The following RAPGEF4 variants were observed in gnomAD, a reference collection of about 807,000 sequenced individuals.
RAPGEF4 encodes RAP guanine-nucleotide-exchange factor (GEF) 4.
In RAPGEF4, 66 loss-of-function variants were observed where a neutral mutation model predicts 147.9. That is an observed-to-expected ratio of 0.45 (90% CI 0.37 to 0.55). The LOEUF is 0.55. Ranked by LOEUF, RAPGEF4 falls within the 20% of genes least tolerant of loss-of-function variation. RAPGEF4 has a pLI of 0.00. For missense variants in RAPGEF4, 1,071 were observed against 1,257.3 expected (o/e 0.85, Z 2.24); for synonymous variants, 419 against 442.7 (o/e 0.95, Z 0.67).
intron 4 of RAPGEF4, among the ~76,000 whole-genome samples, chr2:172,909,013 C>T (rs1373934537): frequency 6.6e-6 from 1 of 152,162 alleles, no homozygotes; most frequent in East Asian, 1.9e-4. Flanking sequence ...AGGGTTTGGA[C>T]AGGGAGTGTG....
chr2:172,937,613 A>G (rs1686726917), intron 6 of RAPGEF4, among the ~76,000 whole-genome samples: 1 of 152,136 alleles, frequency 6.6e-6, no homozygotes, highest in Admixed American at 6.5e-5. Flanking sequence ...CTGTAAAGTC[A>G]GTCTCCCACA....
At chr2:172,935,415 C>T (rs1686455927) in intron 6 of RAPGEF4, among the ~76,000 whole-genome samples, 1 of 152,150 alleles carries the variant, frequency 6.6e-6, no homozygotes, top group South Asian at 2.1e-4. Flanking sequence ...GTGGGATACA[C>T]AGCTCTGTTG....
chr2:173,002,006 A>AAAAAAAAAAAAAAAAAAAAAAAAAAAC (rs1363321480), intron 17 of RAPGEF4, among the ~76,000 whole-genome samples: 1 of 150,602 alleles, frequency 6.6e-6, no homozygotes, highest in African/African-American at 2.4e-5. Flanking sequence ...AAAAAAAAAA[A>AAAAAAAAAAAAAAAAAAAAAAAAAAAC]AAAAAAAAAT....
chr2:172,820,469 A>G (rs1688957271), intron 4 of RAPGEF4, among the ~76,000 whole-genome samples: 1 of 152,246 alleles, frequency 6.6e-6, no homozygotes, highest in South Asian at 2.1e-4. Flanking sequence ...TGTCACTATA[A>G]AAGTGGTTTC....
intron 4 of RAPGEF4, among the ~76,000 whole-genome samples, chr2:172,895,683 A>G (rs1166529974): frequency 1.3e-5 from 2 of 152,190 alleles, no homozygotes; most frequent in Non-Finnish European, 2.9e-5. Flanking sequence ...TCCCAAAAGT[A>G]TGTGTTCAGG....
At chr2:173,023,112 G>A (rs913833505) in intron 23 of RAPGEF4, among the ~76,000 whole-genome samples, 2 of 152,228 alleles carry the variant, frequency 1.3e-5, no homozygotes, top group Admixed American at 1.3e-4. Flanking sequence ...GGCCATAGCA[G>A]AGCTAGACAC....
At chr2:172,964,781 C>A (rs1312192788) in intron 8 of RAPGEF4, among the ~76,000 whole-genome samples, 1 of 152,168 alleles carries the variant, frequency 6.6e-6, no homozygotes, top group African/African-American at 2.4e-5. Flanking sequence ...ATACCTGCCC[C>A]CTTCTCTCAC....
intron 4 of RAPGEF4, among the ~76,000 whole-genome samples, chr2:172,906,952 G>A (rs1427726656): frequency 1.3e-5 from 2 of 152,216 alleles, no homozygotes; most frequent in Admixed American, 6.5e-5. Flanking sequence ...GCTACCTCTA[G>A]GCCATATGGA....
At chr2:173,047,844 T>G (rs1685690161) in intron 29 of RAPGEF4, among the ~76,000 whole-genome samples, 1 of 151,966 alleles carries the variant, frequency 6.6e-6, no homozygotes, top group Non-Finnish European at 1.5e-5. Flanking sequence ...GCCCGGCTAA[T>G]TTTTTGTATT....
chr2:173,049,721 T>C (rs1425445018), intron 30 of RAPGEF4, among the ~76,000 whole-genome samples: 1 of 152,248 alleles, frequency 6.6e-6, no homozygotes. Flanking sequence ...CAAATGACTG[T>C]GCCTTCTCTG....
rs1691514265 is a variant in RAPGEF4 at position 172,980,060 on chromosome 2, A to G, written c.1005-3436A>G. On this transcript the variant is annotated intron_variant, in intron 10 of 30. Transcript: ENST00000397081. Reference sequence around the variant, plus strand: ...CATTGAGCTGGGCTTGAGGCAGAACAAAAGTATTTTAAGCAAAGAGAAGAG... The same window carrying G: ...CATTGAGCTGGGCTTGAGGCAGAACGAAAGTATTTTAAGCAAAGAGAAGAG... Among the ~76,000 whole-genome samples, 4 of 152,330 alleles carry G rather than the reference A, an allele frequency of 2.6e-5. No homozygotes were observed. The South Asian group carries it at 8.3e-4, about 32-fold the overall frequency.
At chr2:172,924,764 C>A (rs1685105709) in intron 6 of RAPGEF4, among the ~76,000 whole-genome samples, 1 of 152,178 alleles carries the variant, frequency 6.6e-6, no homozygotes, top group East Asian at 1.9e-4. Context: ...CCTTCAGCTT[C>A]TTTAACTACA....
chr2:172,841,980 T>C (rs1169944883), intron 4 of RAPGEF4, among the ~76,000 whole-genome samples: 1 of 152,232 alleles, frequency 6.6e-6, no homozygotes, highest in Non-Finnish European at 1.5e-5. Context: ...TATTTTCTTT[T>C]CTAGTAAACA....
chr2:172,976,080 A>G (rs1691032956), intron 10 of RAPGEF4, among the ~76,000 whole-genome samples: 1 of 152,216 alleles, frequency 6.6e-6, no homozygotes, highest in Non-Finnish European at 1.5e-5. Context: ...TTTGCCCTTT[A>G]TTGCAGTTAT....
At chr2:172,794,056 A>G (rs1265219020) in intron 1 of RAPGEF4, among the ~76,000 whole-genome samples, 1 of 151,938 alleles carries the variant, frequency 6.6e-6, no homozygotes, top group Non-Finnish European at 1.5e-5. Flanking sequence ...TAAGCCCTGG[A>G]GGTCAAGGCT....
intron 1 of RAPGEF4, among the ~76,000 whole-genome samples, chr2:172,743,812 T>A (rs555017149): frequency 2.6e-5 from 4 of 152,312 alleles, no homozygotes; most frequent in East Asian, 1.9e-4. Flanking sequence ...GGCAGCCATC[T>A]TGTAATCCCA....
Position 172,988,725 on chromosome 2 carries a change from CTTCGG to C in RAPGEF4, c.1261_1265del (p.Phe421GlnfsTer7). On this transcript the variant is annotated frameshift_variant, in exon 14 of 31. Coordinates refer to ENST00000397081, the MANE Select transcript of RAPGEF4 (RefSeq NM_007023.4). LOFTEE classifies it high-confidence loss of function. ...TCTGCACCCTGCATGAAGGAGATGA[CTTCGG>C]CAAGTTAGCACTAGTGAATGATGCC... 1 of 1,612,796 alleles carries C rather than the reference CTTCGG, an allele frequency of 6.2e-7. No individual in the cohort carries two copies. The highest frequency in any genetic ancestry group is 1.1e-5 in the South Asian group (1 of 91,050).
At chr2:172,768,989 G>A (rs899576536) in intron 1 of RAPGEF4, among the ~76,000 whole-genome samples, 2 of 152,196 alleles carry the variant, frequency 1.3e-5, no homozygotes, top group Non-Finnish European at 2.9e-5. Flanking sequence ...GCACCAACAT[G>A]GTGGTGTGGG....
chr2:172,839,330 C>T (rs1277489902), intron 4 of RAPGEF4, among the ~76,000 whole-genome samples: 8 of 152,128 alleles, frequency 5.3e-5, no homozygotes, highest in African/African-American at 1.7e-4. Flanking sequence ...ATGGCTAGTC[C>T]GTAGACAGAG....
Sources: gnomAD v4.1 joint callset for allele counts (sites outside exome capture counted in the v4.1 genomes callset) on GRCh38, gnomAD v4.1.1 for gene constraint, MANE v1.5 for transcripts, NCBI Gene and HGNC (gene_info 2026-07-23, HGNC 2026-07-21) for gene names.